MBOAT2: variants seen among roughly 807,000 people sequenced by gnomAD.
The protein encoded by MBOAT2 is membrane bound glycerophospholipid O-acyltransferase 2.
A neutral mutation model predicts 63.4 loss-of-function variants in MBOAT2; 28 were observed. The observed-to-expected ratio is 0.44, with a 90% CI of 0.33 to 0.61. The LOEUF is 0.61. Among genes scored for constraint, MBOAT2 ranks in the 20% least tolerant of loss-of-function variants. The probability of loss-of-function intolerance (pLI) is 0.03; values close to 1 mark genes in which losing one functional copy is unlikely to be tolerated. For synonymous variants in MBOAT2, 211 were observed against 215.6 expected (o/e 0.98, Z 0.19); for missense variants, 470 against 605.8 (o/e 0.78, Z 2.35).
chr2:8,898,396 C>A (rs1664647835), intron 4 of MBOAT2, among the ~76,000 whole-genome samples: 2 of 152,194 alleles, frequency 1.3e-5, no homozygotes. Context: ...TGTCTTAGGG[C>A]ACGGATAAGC....
At chr2:8,985,743 G>A (rs991372722) in intron 1 of MBOAT2, among the ~76,000 whole-genome samples, 1 of 151,956 alleles carries the variant, frequency 6.6e-6, no homozygotes, top group Non-Finnish European at 1.5e-5. Flanking sequence ...CACCACACCC[G>A]CCATGACCAC....
At chr2:8,889,362 A>C (rs1337341500) in intron 4 of MBOAT2, among the ~76,000 whole-genome samples, 3 of 152,246 alleles carry the variant, frequency 2.0e-5, no homozygotes, top group African/African-American at 7.2e-5. Flanking sequence ...GCTACAGCTC[A>C]TTCTCCTCAA....
At chr2:8,938,127 CGT>C (rs963501012) in intron 3 of MBOAT2, among the ~76,000 whole-genome samples, 3 of 152,078 alleles carry the variant, frequency 2.0e-5, no homozygotes, top group Admixed American at 6.5e-5. Context: ...GCAAGGCACA[CGT>C]GTGTCTATTT....
In MBOAT2 at chr2:8,972,004, T is replaced by C. The variant is rs560357478; in HGVS notation, c.76-13362A>G. Among the ~76,000 whole-genome samples, 883 of 152,258 alleles carry C rather than the reference T, an allele frequency of 5.8e-3. 6 individuals are homozygous for C. Among genetic ancestry groups the C allele is most frequent in the African/African-American group, 0.021 (859 of 41,560 alleles). ...GCTACCAATGACTTTCTTCACAGAA[T>C]TGGAAAAAACTACTTTAAAGTTCAT... On this transcript the variant is annotated intron_variant, in intron 1 of 12. Coordinates refer to ENST00000305997, the MANE Select transcript of MBOAT2 (RefSeq NM_138799.4).
chr2:8,929,984 C>T (rs1429629843), intron 3 of MBOAT2, among the ~76,000 whole-genome samples: 1 of 152,206 alleles, frequency 6.6e-6, no homozygotes, highest in African/African-American at 2.4e-5. Flanking sequence ...TGTGTCCTCT[C>T]TCCCTTCCCC....
At chr2:8,898,332 G>C (rs1379420723) in intron 4 of MBOAT2, among the ~76,000 whole-genome samples, 1 of 152,096 alleles carries the variant, frequency 6.6e-6, no homozygotes, top group African/African-American at 2.4e-5. Flanking sequence ...TGTATCCGGG[G>C]ATCCATAGTT....
chr2:8,905,411 G>A (rs896727377), intron 4 of MBOAT2, among the ~76,000 whole-genome samples: 3 of 151,874 alleles, frequency 2.0e-5, no homozygotes, highest in Non-Finnish European at 2.9e-5. Context: ...CAGCTAATTC[G>A]ACTATCTAAT....
In MBOAT2 at chr2:8,864,167, C is replaced by T. The variant is rs1196394427; in HGVS notation, c.1052+3G>A. 1 of 1,575,790 alleles carries T rather than the reference C, an allele frequency of 6.3e-7. No homozygotes were observed. Among genetic ancestry groups the T allele is most frequent in the South Asian group, 1.2e-5 (1 of 83,894 alleles). ...TCTAAAGATCGTTTTTGAAGGAACG[C>T]ACCTTTTGAGCCAAAGAGCTGTCTG... On this transcript the variant is annotated splice_donor_region_variant and intron_variant, in intron 10 of 12. Transcript: ENST00000305997.
intron 2 of MBOAT2, among the ~76,000 whole-genome samples, chr2:8,944,737 A>G (rs1668294353): frequency 2.0e-5 from 3 of 151,916 alleles, no homozygotes; most frequent in Non-Finnish European, 2.9e-5. Context: ...GAAGCAGAAA[A>G]ACCTAAATGA....
At chr2:8,977,784 C>G (rs1243003395) in intron 1 of MBOAT2, among the ~76,000 whole-genome samples, 2 of 152,130 alleles carry the variant, frequency 1.3e-5, no homozygotes, top group Non-Finnish European at 2.9e-5. Context: ...ATTCCCCTCA[C>G]CACCAACTTC....
intron 7 of MBOAT2, among the ~76,000 whole-genome samples, chr2:8,875,076 T>A (rs1662610111): frequency 6.6e-6 from 1 of 152,078 alleles, no homozygotes; most frequent in Admixed American, 6.5e-5. Context: ...CAAACCCATA[T>A]CCTAACTGAT....
intron 5 of MBOAT2, among the ~76,000 whole-genome samples, chr2:8,885,915 T>A (rs1352082362): frequency 6.6e-6 from 1 of 152,192 alleles, no homozygotes; most frequent in Non-Finnish European, 1.5e-5. Flanking sequence ...TTAACATAGT[T>A]CTGAGAATGC....
chr2:8,873,906 C>T (rs1662523603), intron 7 of MBOAT2, among the ~76,000 whole-genome samples: 1 of 152,172 alleles, frequency 6.6e-6, no homozygotes, highest in Admixed American at 6.5e-5. Flanking sequence ...GCATCACCAA[C>T]TCATGGTATT....
chr2:8,885,176 T>C (rs7592426), intron 5 of MBOAT2, among the ~76,000 whole-genome samples: 4,043 of 152,302 alleles, frequency 0.027, 187 homozygotes, highest in African/African-American at 0.092. Context: ...AAGAAAATGA[T>C]TGCTTATCAT....
chr2:8,945,539 G>A (rs879280947), intron 2 of MBOAT2, among the ~76,000 whole-genome samples: 10 of 152,056 alleles, frequency 6.6e-5, no homozygotes, highest in South Asian at 2.1e-4. Context: ...TTCAACCCTC[G>A]TGATTTCAGA....
At chr2:8,903,729 G>A (rs1019599586) in intron 4 of MBOAT2, among the ~76,000 whole-genome samples, 7 of 152,070 alleles carry the variant, frequency 4.6e-5, no homozygotes, top group Admixed American at 1.3e-4. Flanking sequence ...TCTTAGATCC[G>A]TGAGTCTCTT....
chr2:8,908,739 A>G, intron 3 of MBOAT2, 23 bp from the exon 4 acceptor site: 1 of 1,399,500 alleles, frequency 7.1e-7, no homozygotes, highest in Non-Finnish European at 1.0e-6. Flanking sequence ...AATAAGCTAC[A>G]TTAATGAAAA....
Position 8,928,554 on chromosome 2 carries a change from CA to C in MBOAT2, c.299+14632del, listed in dbSNP as rs1667091236. Among the ~76,000 whole-genome samples, 3 of 152,104 alleles carry C rather than the reference CA, an allele frequency of 2.0e-5. No individual in the cohort carries two copies. The South Asian group carries it at 6.2e-4, about 32-fold the overall frequency. ...GAGGAAACCAAAGAAACATAACTTA[CA>C]TAAATAATAGCCATTGATATATACC... On this transcript the variant is annotated intron_variant, in intron 3 of 12. Transcript: ENST00000305997.
intron 2 of MBOAT2, among the ~76,000 whole-genome samples, chr2:8,952,764 G>A (rs545488347): frequency 1.2e-4 from 17 of 146,990 alleles, no homozygotes; most frequent in African/African-American, 2.5e-4. Context: ...TACTGTTGCC[G>A]GTTTTATCAT....
Sources: allele counts gnomAD v4.1 joint callset (sites outside exome capture counted in the v4.1 genomes callset), GRCh38; gene constraint gnomAD v4.1.1; transcripts MANE v1.5; gene names NCBI Gene and HGNC (gene_info 2026-07-23, HGNC 2026-07-21).